Variants in TVP23C observed in about 807,000 individuals in gnomAD.
The protein encoded by TVP23C is trans-golgi network vesicle protein 23 homolog C, also known as Golgi apparatus membrane protein TVP23 homolog C.
A neutral mutation model predicts 28.7 loss-of-function variants in TVP23C; 19 were observed. The ratio of observed to expected loss-of-function variants is 0.66; its 90% CI spans 0.46 to 0.97. The LOEUF (loss-of-function observed/expected upper bound fraction) is 0.97. Among genes scored for constraint, TVP23C ranks in the 50% least tolerant of loss-of-function variants. The pLI is 0.00. For missense variants in TVP23C, 186 were observed against 241.3 expected (o/e 0.77, Z 1.52); for synonymous variants, 68 against 81.7 (o/e 0.83, Z 0.90).
Position 15,502,719 on chromosome 17 carries a change from CCTCT to C in TVP23C, c.*141_*144del, listed in dbSNP as rs538023468. On this transcript the variant is annotated 3_prime_UTR_variant, in exon 6 of 6. Coordinates refer to the TVP23C transcript ENST00000225576. ...CTGTTCGTTCGTTCTTTCTCTCTCT[CCTCT>C]CTCTCTCTTTCTCTCTCCTCTCTCC... The C allele has an allele frequency of 3.6e-4, 414 of 1,157,106 alleles. 1 individual carries two copies. The African/African-American group carries it at 4.5e-3, about 12-fold the overall frequency. 71.7% of individuals were successfully genotyped at this position (1,157,106 alleles called of 1,614,324 possible). A position where few individuals can be genotyped will look rare whatever the true frequency, so the allele number is the denominator to read the frequency against.
intron 5 of TVP23C, among the ~76,000 whole-genome samples, chr17:15,545,097 T>C (rs971194492): frequency 5.3e-5 from 8 of 152,220 alleles, no homozygotes; most frequent in African/African-American, 1.9e-4. Flanking sequence ...CAAAGTCTTC[T>C]AGCACCTTCT....
chr17:15,534,108 C>T (rs1983054291), downstream of TVP23C, among the ~76,000 whole-genome samples: 1 of 152,086 alleles, frequency 6.6e-6, no homozygotes, highest in Admixed American at 6.5e-5. Context: ...TTCCAGCTGA[C>T]AGCTGTAGGG....
intron 3 of TVP23C, among the ~76,000 whole-genome samples, chr17:15,548,768 C>A (rs1305923483): frequency 6.6e-6 from 1 of 152,216 alleles, no homozygotes; most frequent in Non-Finnish European, 1.5e-5. Flanking sequence ...GCAGATGCCT[C>A]AAATTGTGGT....
At chr17:15,536,356 G>C (rs1466443569), downstream of TVP23C, among the ~76,000 whole-genome samples, 1 of 152,182 alleles carries the variant, frequency 6.6e-6, no homozygotes, top group Non-Finnish European at 1.5e-5. Flanking sequence ...CAGGAAAAAG[G>C]GGGAAGGGAT....
exon 6 of TVP23C, chr17:15,502,808 T>TCC (rs779527713): frequency 7.1e-7 from 1 of 1,415,662 alleles, no homozygotes; most frequent in Non-Finnish European, 9.3e-7. Flanking sequence ...CTCCTCTCTC[T>TCC]CCTCTCTCTC....
At position 15,553,785 on chromosome 17, in the gene TVP23C, G is replaced by T. The variant is rs750523327; in HGVS notation, c.140C>A (p.Ala47Glu). The T allele has an allele frequency of 6.2e-7, 1 of 1,613,942 alleles. No homozygotes were observed. The highest frequency in any genetic ancestry group is 1.7e-5 in the Admixed American group (1 of 60,016). The change falls in exon 3 of 6, where the codon GCA becomes GAA. Residue 47 changes from alanine (A) to glutamate (E), a missense_variant. Around this residue, in one of 3 missense-constraint regions of TVP23C, gnomAD observed 92 missense variants for 94.3 expected, o/e 0.98. Coordinates refer to ENST00000518321, the MANE Select transcript of TVP23C (RefSeq NM_001135036.2). ...SFFHLFFRVS[A>E]IIVCLLCELL... is the part of the protein sequence containing the mutation. The stretch of plus-strand genomic sequence containing the variant: ...CTCACAGAGAAGACAGACGATGATT[G>T]CACTGACTCGAAAGAATAAGTGGAA...
At chr17:15,546,324 G>A (rs1340880638) in intron 4 of TVP23C, among the ~76,000 whole-genome samples, 3 of 152,018 alleles carry the variant, frequency 2.0e-5, no homozygotes, top group South Asian at 4.2e-4. Flanking sequence ...AAAAAAAAAC[G>A]GAATCAAGGG....
intron 5 of TVP23C, among the ~76,000 whole-genome samples, chr17:15,514,011 A>C (rs1051616860): frequency 6.6e-6 from 1 of 152,178 alleles, no homozygotes; most frequent in Non-Finnish European, 1.5e-5. Context: ...CTAACCAGAA[A>C]ACCACAGCAT....
chr17:15,549,065 A>C (rs1247868572), intron 3 of TVP23C, among the ~76,000 whole-genome samples: 4 of 152,206 alleles, frequency 2.6e-5, no homozygotes, highest in Non-Finnish European at 5.9e-5. Context: ...AATATTTTTA[A>C]ATTATATTTC....
intron 1 of TVP23C, among the ~76,000 whole-genome samples, chr17:15,557,447 G>A (rs974758405): frequency 5.4e-5 from 8 of 147,662 alleles, no homozygotes; most frequent in Admixed American, 4.8e-4. Flanking sequence ...AGTGTGTCTC[G>A]GCTAATTAGC....
At position 15,537,239 on chromosome 17, in the gene TVP23C, T is replaced by C. The variant is rs1983193032; in HGVS notation, c.*3173A>G. ...AGATTGCTTTAAGAAATACCATTAA[T>C]ACAAATGCATAATTTACAATATCCC... On this transcript the variant is annotated 3_prime_UTR_variant, in exon 6 of 6. Transcript: ENST00000518321. The C allele has an allele frequency of 3.7e-6, 2 of 536,538 alleles. No homozygotes were observed. Among genetic ancestry groups the C allele is most frequent in the Non-Finnish European group, 4.7e-6 (2 of 423,062 alleles). 33.2% of individuals were successfully genotyped at this position (536,538 alleles called of 1,614,324 possible). A position where few individuals can be genotyped will look rare whatever the true frequency, so the allele number is the denominator to read the frequency against.
chr17:15,558,166 T>C (rs1295742874), intron 1 of TVP23C, among the ~76,000 whole-genome samples: 3 of 148,922 alleles, frequency 2.0e-5, no homozygotes, highest in South Asian at 4.4e-4. Context: ...TATGATGTTA[T>C]GAATAAAAAG....
At chr17:15,503,399 T>C in intron 5 of TVP23C, 1 of 853,700 alleles carries the variant, frequency 1.2e-6, no homozygotes, top group East Asian at 2.8e-5. Flanking sequence ...AGCAAGACCA[T>C]GATATTTCAA....
intron 5 of TVP23C, among the ~76,000 whole-genome samples, chr17:15,526,283 T>TTAG (rs1982723759): frequency 6.6e-6 from 1 of 152,130 alleles, no homozygotes; most frequent in Non-Finnish European, 1.5e-5. Context: ...TGGCTTCAAA[T>TTAG]CTGACATATC....
intron 3 of TVP23C, among the ~76,000 whole-genome samples, 163 bp downstream of exon 3, chr17:15,553,522 G>GAAAAAAA (rs565524290): frequency 8.4e-6 from 1 of 118,996 alleles, no homozygotes; most frequent in African/African-American, 3.3e-5. Context: ...GGGAAAAAAT[G>GAAAAAAA]AAAAAAAAAA....
chr17:15,558,357 G>C lies in TVP23C; in HGVS notation c.13-2993C>G. Among the ~76,000 whole-genome samples the C allele has an allele frequency of 1.4e-5, 2 of 143,332 alleles. 1 individual carries two copies. Among genetic ancestry groups the C allele is most frequent in the Admixed American group, 1.4e-4 (2 of 13,884 alleles). The allele number at this position is 143,332 out of a possible 152,430, so 94.0% of individuals were successfully genotyped here. A position where few individuals can be genotyped will look rare whatever the true frequency, so the allele number is the denominator to read the frequency against. On this transcript the variant is annotated intron_variant, in intron 1 of 5. Transcript: ENST00000518321. ...GCCAATCTCTAAGACCTTATCTCAG[G>C]CCACTCACTCTTCATTAACTGTGGT...
chr17:15,545,697 T>C, intron 5 of TVP23C, 88 bp downstream of exon 5: 3 of 1,500,486 alleles, frequency 2.0e-6, no homozygotes, highest in Non-Finnish European at 2.7e-6. Flanking sequence ...AGGTCCCTAA[T>C]GATAAGGACT....
chr17:15,543,039 T>C (rs918133673), intron 5 of TVP23C, among the ~76,000 whole-genome samples: 5 of 151,826 alleles, frequency 3.3e-5, no homozygotes, highest in African/African-American at 7.3e-5. Context: ...AGCTCTAAGG[T>C]CTTACAAACA....
At chr17:15,518,891 G>A (rs184028644) in intron 5 of TVP23C, among the ~76,000 whole-genome samples, 36 of 152,270 alleles carry the variant, frequency 2.4e-4, no homozygotes, top group African/African-American at 8.4e-4. Context: ...CGTGTCGAGG[G>A]GGGACCTGGT....
Sources: gnomAD v4.1 joint callset for allele counts (sites outside exome capture counted in the v4.1 genomes callset) on GRCh38, gnomAD v4.1.1 for gene constraint, gnomAD v4.1.1 regional missense constraint, MANE v1.5 for transcripts, NCBI Gene and HGNC (gene_info 2026-07-23, HGNC 2026-07-21) for gene names.